Variants in FER1L6 observed in about 807,000 individuals in gnomAD.
The protein encoded by FER1L6 is fer-1-like protein 6.
A neutral mutation model predicts 219.2 loss-of-function variants in FER1L6; 177 were observed. The ratio of observed to expected loss-of-function variants is 0.81; its 90% CI spans 0.71 to 0.91. The LOEUF (loss-of-function observed/expected upper bound fraction) is 0.91, where lower values mean the gene tolerates loss of function less well. Among genes scored for constraint, FER1L6 ranks in the 40% least tolerant of loss-of-function variants. The probability of loss-of-function intolerance (pLI) is 0.00; values close to 1 mark genes in which losing one functional copy is unlikely to be tolerated. For synonymous variants in FER1L6, 768 were observed against 824.3 expected (o/e 0.93, Z 1.17); for missense variants, 2,153 against 2,259.9 (o/e 0.95, Z 0.96).
At chr8:123,936,215 C>T (rs1003730469) in intron 1 of FER1L6, among the ~76,000 whole-genome samples, 1 of 152,046 alleles carries the variant, frequency 6.6e-6, no homozygotes, top group Non-Finnish European at 1.5e-5. Flanking sequence ...TTGCTCTGAA[C>T]CCCCCAACCC....
At chr8:123,858,353 A>C (rs1031039001) in intron 1 of FER1L6, among the ~76,000 whole-genome samples, 6 of 152,210 alleles carry the variant, frequency 3.9e-5, no homozygotes, top group African/African-American at 1.2e-4. Context: ...ACACAGCAGA[A>C]GTCAATATGC....
intron 12 of FER1L6, among the ~76,000 whole-genome samples, chr8:123,993,865 G>A (rs1238276872): frequency 3.3e-5 from 5 of 152,200 alleles, no homozygotes; most frequent in Admixed American, 6.5e-5. Flanking sequence ...AATGAGGGTG[G>A]TCAGGGGAGT....
At chr8:123,941,823 G>C (rs545347607) in intron 1 of FER1L6, among the ~76,000 whole-genome samples, 62 of 152,294 alleles carry the variant, frequency 4.1e-4, no homozygotes, top group African/African-American at 1.4e-3. Flanking sequence ...GACGAGGGAA[G>C]GAGGCTTGGC....
intron 2 of FER1L6, among the ~76,000 whole-genome samples, chr8:123,960,771 A>G (rs977567551): frequency 2.6e-5 from 4 of 151,932 alleles, no homozygotes; most frequent in Non-Finnish European, 5.9e-5. Context: ...ATTAGGGTTC[A>G]CCTGGATCAC....
intron 1 of FER1L6, among the ~76,000 whole-genome samples, chr8:123,947,824 G>A (rs557470403): frequency 3.9e-4 from 60 of 152,212 alleles, no homozygotes; most frequent in Admixed American, 4.6e-4. Flanking sequence ...TTGCAAAACT[G>A]GAGAACACAT....
intron 33 of FER1L6, 52 bp from the exon 34 acceptor site, chr8:124,091,370 TG>T (rs1283807546): frequency 1.4e-5 from 21 of 1,458,606 alleles, no homozygotes; most frequent in East Asian, 9.1e-5. Context: ...CAGATCATAC[TG>T]GGTGGTTCTT....
At chr8:124,048,073 C>G (rs1379570923) in intron 21 of FER1L6, among the ~76,000 whole-genome samples, 1 of 152,258 alleles carries the variant, frequency 6.6e-6, no homozygotes, top group African/African-American at 2.4e-5. Flanking sequence ...GCTGCCCTAA[C>G]TCCACCCATC....
chr8:123,974,962 G>A (rs899250980), intron 7 of FER1L6, among the ~76,000 whole-genome samples, 188 bp from the exon 8 acceptor site: 1 of 152,122 alleles, frequency 6.6e-6, no homozygotes, highest in Non-Finnish European at 1.5e-5. Flanking sequence ...TGGAGAACTG[G>A]TAGGAAGCAA....
intron 14 of FER1L6, among the ~76,000 whole-genome samples, chr8:124,011,120 T>C (rs185480372): frequency 6.6e-6 from 1 of 152,286 alleles, no homozygotes; most frequent in Admixed American, 6.5e-5. Flanking sequence ...TATAGCCCCA[T>C]CTTTCCTAAG....
At chr8:123,870,063 A>G (rs1816899384) in intron 1 of FER1L6, among the ~76,000 whole-genome samples, 1 of 152,262 alleles carries the variant, frequency 6.6e-6, no homozygotes, top group Admixed American at 6.5e-5. Context: ...GCTCAAAGTC[A>G]TTTGTCATTA....
intron 18 of FER1L6, among the ~76,000 whole-genome samples, chr8:124,024,550 G>T (rs1818621318): frequency 1.3e-5 from 2 of 152,102 alleles, no homozygotes; most frequent in Admixed American, 1.3e-4. Context: ...TTCTTTTTAT[G>T]ACTGAGTCAT....
chr8:123,970,966 C>CT (rs1384970077), intron 6 of FER1L6, among the ~76,000 whole-genome samples: 1 of 152,170 alleles, frequency 6.6e-6, no homozygotes, highest in Non-Finnish European at 1.5e-5. Context: ...TGAAGGATGG[C>CT]TGGAGAGTAA....
intron 37 of FER1L6, among the ~76,000 whole-genome samples, chr8:124,099,812 G>GC (rs1029178854): frequency 6.6e-6 from 1 of 151,894 alleles, no homozygotes; most frequent in African/African-American, 2.4e-5. Flanking sequence ...CATACCACAT[G>GC]CCCCCTTGCT....
intron 8 of FER1L6, 101 bp from the exon 9 acceptor site, chr8:123,975,797 T>G: frequency 2.2e-6 from 2 of 929,458 alleles, no homozygotes; most frequent in Non-Finnish European, 3.3e-6. Flanking sequence ...CAGATTTGTC[T>G]TATATTGGGA....
chr8:124,036,541 A>C (rs73328333), intron 19 of FER1L6, among the ~76,000 whole-genome samples: 1,534 of 152,272 alleles, frequency 0.01, 37 homozygotes, highest in African/African-American at 0.035. Context: ...ATAGCTAGTA[A>C]ATGATGGGGA....
At chr8:124,017,806 G>A (rs2130609823) in intron 16 of FER1L6, 88 bp downstream of exon 16, 1 of 996,800 alleles carries the variant, frequency 1.0e-6, no homozygotes, top group Non-Finnish European at 1.5e-6. Context: ...ATGAGGTTGA[G>A]GTTTAAAGGT....
chr8:123,963,310 G>T lies in FER1L6; in HGVS notation c.109G>T (p.Glu37Ter). 6.2e-7 allele frequency: 1 copy of T among 1,614,104 alleles called. No homozygotes were observed. The highest frequency in any genetic ancestry group is 8.5e-7 in the Non-Finnish European group (1 of 1,179,944). ...AGGTGACACTGAAGCACTGCAGGAG[G>T]AGCCTTCTCACCAGGAAGGACCGAG... ...SQGDTEALQE[E>*]PSHQEGPRGD... Residue 37 changes from glutamate to a stop codon, truncating the protein, a stop_gained, in exon 3 of 41, where the codon GAG (glutamate) becomes TAG (stop). Transcript: ENST00000522917. LOFTEE classifies it high-confidence loss of function.
At chr8:124,086,420 GCTGATAACACTAA>G (rs977340993) in intron 33 of FER1L6, among the ~76,000 whole-genome samples, 5 of 150,134 alleles carry the variant, frequency 3.3e-5, no homozygotes, top group African/African-American at 1.2e-4. Flanking sequence ...ATGATTTTAA[GCTGATAACACTAA>G]CTGCATAAAC....
intron 1 of FER1L6, among the ~76,000 whole-genome samples, chr8:123,940,092 T>G (rs1032274660): frequency 1.3e-5 from 2 of 152,226 alleles, no homozygotes; most frequent in African/African-American, 4.8e-5. Flanking sequence ...AGGCATCTAA[T>G]AGGCACTCAT....
Sources: allele counts gnomAD v4.1 joint callset (sites outside exome capture counted in the v4.1 genomes callset), GRCh38; gene constraint gnomAD v4.1.1; transcripts MANE v1.5; gene names NCBI Gene and HGNC (gene_info 2026-07-23, HGNC 2026-07-21).